GMDS: variants seen among roughly 807,000 people sequenced by gnomAD.
The protein encoded by GMDS is GDP-mannose 4,6-dehydratase.
Under a neutral mutation model 49.9 loss-of-function variants are expected in GMDS, and 20 were observed. That is an observed-to-expected ratio of 0.40 (90% confidence interval 0.28 to 0.58). The LOEUF is 0.58. Ranked by LOEUF, GMDS falls within the 20% of genes least tolerant of loss-of-function variation. The pLI, the probability that GMDS is intolerant of heterozygous loss-of-function variation, is 0.42. For missense variants in GMDS, 362 were observed against 481.4 expected, an observed-to-expected ratio of 0.75 and a Z score of 2.32; for synonymous variants, 177 against 178.6, an observed-to-expected ratio of 0.99 and a Z score of 0.07.
intron 1 of GMDS, among the ~76,000 whole-genome samples, chr6:2,165,172 A>C (rs1581736373): frequency 1.3e-5 from 2 of 152,212 alleles, no homozygotes; most frequent in East Asian, 3.9e-4. Flanking sequence ...CTCTAGAACC[A>C]CTCCCAGTAC....
intron 4 of GMDS, among the ~76,000 whole-genome samples, chr6:1,972,693 G>A (rs916803974): frequency 6.6e-5 from 10 of 152,166 alleles, no homozygotes; most frequent in African/African-American, 2.4e-4. Context: ...AGTAGTAATA[G>A]TACTTGTGAC....
intron 7 of GMDS, among the ~76,000 whole-genome samples, chr6:1,924,966 A>C (rs199617414): frequency 2.1e-5 from 3 of 142,580 alleles, no homozygotes; most frequent in Non-Finnish European, 4.7e-5. Flanking sequence ...AAAAAAAAAA[A>C]AGTTTGAACT....
chr6:1,805,242 C>T (rs927255731), intron 7 of GMDS, among the ~76,000 whole-genome samples: 1 of 152,072 alleles, frequency 6.6e-6, no homozygotes, highest in Non-Finnish European at 1.5e-5. Flanking sequence ...GACATTTATG[C>T]TTTATTTTTC....
rs143264327 is a variant in GMDS, at chr6:1,752,797, C to G, written c.772-10211G>C. Among the ~76,000 whole-genome samples the G allele has an allele frequency of 1.7e-3, 256 of 152,192 alleles. 2 individuals are homozygous for G. Among genetic ancestry groups the G allele is most frequent in the African/African-American group, 5.9e-3 (244 of 41,534 alleles). Reference sequence around the variant, plus strand: ...ATCCAGCCAAAGTAAGCTTCAAAAGCGAAGGAGAAATGAAATCCTTTACAG... The same window carrying G: ...ATCCAGCCAAAGTAAGCTTCAAAAGGGAAGGAGAAATGAAATCCTTTACAG... On this transcript the variant is annotated intron_variant, in intron 7 of 10. Coordinates refer to ENST00000380815, the MANE Select transcript of GMDS (RefSeq NM_001500.4).
intron 7 of GMDS, among the ~76,000 whole-genome samples, chr6:1,850,731 G>A (rs181286052): frequency 2.2e-4 from 34 of 152,280 alleles, no homozygotes; most frequent in Non-Finnish European, 3.5e-4. Flanking sequence ...TTTATCCGGC[G>A]ATCTATTCCA....
At chr6:1,688,996 TATAAC>T (rs1278284329) in intron 9 of GMDS, among the ~76,000 whole-genome samples, 1 of 152,188 alleles carries the variant, frequency 6.6e-6, no homozygotes, top group African/African-American at 2.4e-5. Context: ...GTTACTTTCT[TATAAC>T]ATGTTCTTGC....
intron 4 of GMDS, among the ~76,000 whole-genome samples, chr6:1,980,977 A>G (rs1561943627): frequency 1.3e-5 from 2 of 152,218 alleles, no homozygotes; most frequent in Admixed American, 1.3e-4. Flanking sequence ...GAAATCAAGA[A>G]GTTCTTTGAA....
intron 7 of GMDS, among the ~76,000 whole-genome samples, chr6:1,878,180 T>A (rs989207830): frequency 1.3e-5 from 2 of 151,904 alleles, no homozygotes; most frequent in Non-Finnish European, 2.9e-5. Flanking sequence ...CCAGGCGTGG[T>A]GGCGGGCACC....
chr6:2,175,888 C>T (rs1280384889), intron 1 of GMDS: 2 of 999,096 alleles, frequency 2.0e-6, no homozygotes. Context: ...AGGCTTGTGG[C>T]ACTATGATTA....
intron 1 of GMDS, among the ~76,000 whole-genome samples, chr6:2,144,855 A>G (rs572825075): frequency 5.1e-4 from 77 of 152,322 alleles, no homozygotes; most frequent in African/African-American, 1.7e-3. Flanking sequence ...AGGAGACACA[A>G]TGAAGGCCTC....
At chr6:1,776,532 A>G (rs535419821) in intron 7 of GMDS, among the ~76,000 whole-genome samples, 51 of 152,102 alleles carry the variant, frequency 3.4e-4, no homozygotes, top group African/African-American at 1.1e-3. Flanking sequence ...TACAGAAAAA[A>G]AAAAAAAAAT....
chr6:2,026,791 A>G (rs1259949426), intron 4 of GMDS, among the ~76,000 whole-genome samples: 4 of 152,194 alleles, frequency 2.6e-5, no homozygotes, highest in African/African-American at 9.7e-5. Context: ...GAGAAGTGGG[A>G]TGTCAGTGCA....
chr6:1,952,546 A>T (rs1755490268), intron 6 of GMDS, among the ~76,000 whole-genome samples: 1 of 152,152 alleles, frequency 6.6e-6, no homozygotes, highest in South Asian at 2.1e-4. Context: ...AATGAAATAC[A>T]AAATAAACCA....
At chr6:1,695,868 C>T (rs1325896324) in intron 9 of GMDS, among the ~76,000 whole-genome samples, 7 of 149,378 alleles carry the variant, frequency 4.7e-5, no homozygotes, top group South Asian at 2.1e-4. Flanking sequence ...GCAAGCTGAA[C>T]GTGGCCAGAA....
In GMDS at chr6:1,670,110, C is replaced by T. The variant is rs150509439; in HGVS notation, c.988-45570G>A. ...GAAACCCATCACGTCTCCTGGAAGC[C>T]TCAAGTCAGAGCGCTGCGCACGTGC... On this transcript the variant is annotated intron_variant, in intron 9 of 10. Coordinates refer to ENST00000380815, the MANE Select transcript of GMDS (RefSeq NM_001500.4). 8.2e-3 allele frequency among the ~76,000 whole-genome samples: 1,241 copies of T among 151,990 alleles called. 14 individuals carry two copies. Among genetic ancestry groups the T allele is most frequent in the African/African-American group, 0.028 (1,153 of 41,424 alleles).
At chr6:2,007,501 A>C (rs1469253670) in intron 4 of GMDS, among the ~76,000 whole-genome samples, 1 of 152,164 alleles carries the variant, frequency 6.6e-6, no homozygotes, top group African/African-American at 2.4e-5. Context: ...ATAACGAAAA[A>C]TTCTGTAAGA....
chr6:2,163,406 C>T (rs1363951955), intron 1 of GMDS, among the ~76,000 whole-genome samples: 7 of 148,652 alleles, frequency 4.7e-5, no homozygotes, highest in Middle Eastern at 6.8e-3. Context: ...GGACCAACAA[C>T]ATGTGTGTGT....
chr6:1,687,365 A>G (rs1765012390), intron 9 of GMDS, among the ~76,000 whole-genome samples: 1 of 152,130 alleles, frequency 6.6e-6, no homozygotes, highest in Admixed American at 6.5e-5. Context: ...CCAGGGGAGG[A>G]GGATGAGGCC....
chr6:1,768,330 A>G (rs1307069469), intron 7 of GMDS, among the ~76,000 whole-genome samples: 1 of 152,206 alleles, frequency 6.6e-6, no homozygotes, highest in East Asian at 1.9e-4. Context: ...AATCAATAGG[A>G]TATGTTCAAA....
Sources: allele counts gnomAD v4.1 joint callset (sites outside exome capture counted in the v4.1 genomes callset), GRCh38; gene constraint gnomAD v4.1.1; transcripts MANE v1.5; gene names NCBI Gene and HGNC (gene_info 2026-07-23, HGNC 2026-07-21).